CDH13: variants seen among roughly 807,000 people sequenced by gnomAD.
CDH13 encodes the protein cadherin 13, also known as cadherin-13.
CDH13 carries 24 observed loss-of-function variants against 63.8 expected under a neutral mutation model. The observed-to-expected ratio is 0.38, with a 90% CI of 0.27 to 0.53. CDH13 has a LOEUF of 0.53. CDH13 is among the 20% of genes least tolerant of loss of function. The probability of loss-of-function intolerance (pLI) is 0.85; values close to 1 mark genes in which losing one functional copy is unlikely to be tolerated. For missense variants in CDH13, 1,049 were observed against 903.1 expected (o/e 1.16, Z -2.07); for synonymous variants, 503 against 355.3 (o/e 1.42, Z -4.67).
intron 7 of CDH13, among the ~76,000 whole-genome samples, chr16:83,594,904 G>T (rs559492768): frequency 4.6e-5 from 7 of 152,346 alleles, no homozygotes; most frequent in Admixed American, 6.5e-5. Flanking sequence ...TTTCAAATCA[G>T]TGTGATCAGT....
intron 2 of CDH13, among the ~76,000 whole-genome samples, chr16:82,920,761 C>G (rs1182022404): frequency 4.6e-5 from 7 of 152,190 alleles, no homozygotes. Context: ...TTTACAAAAT[C>G]AGACAGAAGG....
intron 7 of CDH13, among the ~76,000 whole-genome samples, chr16:83,495,575 A>G (rs961059643): frequency 4.6e-5 from 7 of 152,216 alleles, no homozygotes; most frequent in Admixed American, 4.6e-4. Context: ...TACAAAATAT[A>G]GTTTTTTTCC....
At chr16:83,266,140 A>G (rs925178529) in intron 5 of CDH13, among the ~76,000 whole-genome samples, 2 of 151,892 alleles carry the variant, frequency 1.3e-5, no homozygotes, top group African/African-American at 2.4e-5. Context: ...TTTTTACCAC[A>G]TTGGCCAGGC....
At chr16:82,919,432 C>G (rs549489872) in intron 2 of CDH13, among the ~76,000 whole-genome samples, 2 of 152,288 alleles carry the variant, frequency 1.3e-5, no homozygotes, top group Admixed American at 1.3e-4. Context: ...CATCATTTAG[C>G]TCCAACTTAT....
chr16:83,278,117 TA>T (rs953135854), intron 5 of CDH13, among the ~76,000 whole-genome samples: 12 of 151,438 alleles, frequency 7.9e-5, no homozygotes, highest in African/African-American at 2.7e-4. Flanking sequence ...TGCTTTCCTT[TA>T]AAAAAAAATG....
chr16:83,347,308 G>T (rs1338900421), intron 6 of CDH13, among the ~76,000 whole-genome samples: 1 of 134,132 alleles, frequency 7.5e-6, no homozygotes, highest in Non-Finnish European at 1.6e-5. Flanking sequence ...CCCATGTGTT[G>T]TAGAAATTAT....
intron 2 of CDH13, among the ~76,000 whole-genome samples, chr16:83,021,719 C>A (rs1915365487): frequency 6.6e-6 from 1 of 152,174 alleles, no homozygotes; most frequent in Non-Finnish European, 1.5e-5. Flanking sequence ...CTGCACTTAC[C>A]AAATTCTATA....
intron 8 of CDH13, among the ~76,000 whole-genome samples, chr16:83,643,906 C>G (rs1215127434): frequency 3.3e-5 from 5 of 152,240 alleles, no homozygotes; most frequent in Non-Finnish European, 7.3e-5. Context: ...TACTACCCAG[C>G]TCTTCCTCTA....
chr16:83,580,549 C>T (rs1905492999), intron 7 of CDH13, among the ~76,000 whole-genome samples: 1 of 143,286 alleles, frequency 7.0e-6, no homozygotes, highest in Admixed American at 7.4e-5. Flanking sequence ...GGCTATAGTG[C>T]AGTGGTATGA....
intron 4 of CDH13, among the ~76,000 whole-genome samples, chr16:83,133,166 C>A (rs2036134006): frequency 6.6e-6 from 1 of 152,180 alleles, no homozygotes; most frequent in African/African-American, 2.4e-5. Context: ...ATTGGGACAA[C>A]TTGGCAGTTG....
At chr16:82,655,960 C>T (rs770528828) in intron 1 of CDH13, among the ~76,000 whole-genome samples, 5 of 152,114 alleles carry the variant, frequency 3.3e-5, no homozygotes, top group African/African-American at 1.2e-4. Flanking sequence ...ACCACCTAGA[C>T]AGCCCCTTGA....
rs188997810 is a variant in CDH13, at chr16:83,043,537, C to G, written c.366+11319C>G. Among the ~76,000 whole-genome samples, 1,302 of 147,574 alleles carry G rather than the reference C, an allele frequency of 8.8e-3. 15 individuals carry two copies. The highest frequency in any genetic ancestry group is 0.024 in the African/African-American group (964 of 39,836). ...TGTGTGTGTGTGTGTGTATGTATAA[C>G]AGATATATCTAACATATTATCATTT... On this transcript the variant is annotated intron_variant, in intron 3 of 13. Transcript: ENST00000567109.
intron 1 of CDH13, among the ~76,000 whole-genome samples, chr16:82,706,605 G>T (rs2031510354): frequency 6.6e-6 from 1 of 151,676 alleles, no homozygotes; most frequent in Non-Finnish European, 1.5e-5. Flanking sequence ...GACCAGCCTG[G>T]CCAACATGGT....
intron 7 of CDH13, among the ~76,000 whole-genome samples, chr16:83,493,496 A>G (rs1053342310): frequency 3.9e-5 from 6 of 152,190 alleles, no homozygotes; most frequent in Non-Finnish European, 7.3e-5. Context: ...GCATGCAAAG[A>G]TGTGCTGTTC....
chr16:82,809,818 C>T (rs1431675333), intron 1 of CDH13, among the ~76,000 whole-genome samples: 1 of 151,854 alleles, frequency 6.6e-6, no homozygotes. Flanking sequence ...ATGCCATTAA[C>T]AAAAATAATT....
chr16:82,990,337 G>A (rs1911506840), intron 2 of CDH13: 1 of 152,112 alleles, frequency 6.6e-6, no homozygotes, highest in African/African-American at 2.4e-5. Context: ...TCAGGAGTGA[G>A]GAAACAGGAA....
chr16:83,249,259 C>G (rs1181722531), intron 5 of CDH13, among the ~76,000 whole-genome samples: 2 of 152,190 alleles, frequency 1.3e-5, no homozygotes, highest in Non-Finnish European at 2.9e-5. Context: ...ACGCTTGAGC[C>G]AGCTCATACC....
intron 11 of CDH13, among the ~76,000 whole-genome samples, chr16:83,770,592 C>A (rs1201225601): frequency 6.6e-6 from 1 of 152,210 alleles, no homozygotes; most frequent in Non-Finnish European, 1.5e-5. Context: ...AGAGCAGCCC[C>A]AAAGGCTGCT....
At chr16:82,667,246 T>A (rs1912697441) in intron 1 of CDH13, among the ~76,000 whole-genome samples, 1 of 152,190 alleles carries the variant, frequency 6.6e-6, no homozygotes, top group Admixed American at 6.5e-5. Flanking sequence ...AGAGAGCTTA[T>A]ACATTTCTAT....
Sources: allele counts gnomAD v4.1 joint callset (sites outside exome capture counted in the v4.1 genomes callset), GRCh38; gene constraint gnomAD v4.1.1; transcripts MANE v1.5; gene names NCBI Gene and HGNC (gene_info 2026-07-23, HGNC 2026-07-21).